Variants in ADD2 observed in about 807,000 individuals in gnomAD.
ADD2 encodes beta-adducin.
Under a neutral mutation model 83.0 loss-of-function variants are expected in ADD2, and 23 were observed. The ratio of observed to expected loss-of-function variants is 0.28; its 90% confidence interval spans 0.20 to 0.39. The LOEUF is 0.39. Among genes scored for constraint, ADD2 ranks in the 10% least tolerant of loss-of-function variants. The pLI is 1.00. For missense variants in ADD2, 758 were observed against 944.9 expected (o/e 0.80, Z 2.59); for synonymous variants, 375 against 375.4 (o/e 1.00, Z 0.01).
At chr2:70,693,533 G>A (rs1553372089) in intron 6 of ADD2, among the ~76,000 whole-genome samples, 1 of 152,168 alleles carries the variant, frequency 6.6e-6, no homozygotes. Context: ...AATGTGGGCG[G>A]AGGGATGTGC....
At chr2:70,701,021 G>A (rs1335351656) in intron 4 of ADD2, among the ~76,000 whole-genome samples, 1 of 151,516 alleles carries the variant, frequency 6.6e-6, no homozygotes, top group Non-Finnish European at 1.5e-5. Flanking sequence ...ACTATATCAG[G>A]GTAAAAAAGA....
chr2:70,703,173 A>G (rs950196662), intron 4 of ADD2, among the ~76,000 whole-genome samples: 3 of 151,986 alleles, frequency 2.0e-5, no homozygotes, highest in Non-Finnish European at 4.4e-5. Flanking sequence ...AAGAAAGAAA[A>G]GAAAAAGGAA....
At chr2:70,709,562 C>T (rs1251272925) in intron 2 of ADD2, among the ~76,000 whole-genome samples, 1 of 152,164 alleles carries the variant, frequency 6.6e-6, no homozygotes, top group Non-Finnish European at 1.5e-5. Context: ...CAAGTCATTG[C>T]CTCTCTCTGG....
intron 10 of ADD2, among the ~76,000 whole-genome samples, chr2:70,679,761 C>T (rs1270831722): frequency 2.0e-5 from 3 of 151,938 alleles, no homozygotes; most frequent in Non-Finnish European, 4.4e-5. Flanking sequence ...TCACTAAAAA[C>T]CTTTCCAGTC....
intron 1 of ADD2, among the ~76,000 whole-genome samples, chr2:70,716,024 T>G (rs922773709): frequency 2.0e-5 from 3 of 151,680 alleles, no homozygotes; most frequent in Non-Finnish European, 4.4e-5. Flanking sequence ...TTCCTTAACC[T>G]TTTTTTTTCT....
chr2:70,676,107 T>C lies in ADD2; in HGVS notation c.1593+689A>G. ...TGCAGAGAGGAACATTTCCTGTATT[T>C]CCCCAATTTTTACTGCTAAGGAAAA... On this transcript the variant is annotated intron_variant, in intron 13 of 15. Transcript: ENST00000264436. This position sits in a 1 kb window ranked among gnomAD's most constrained non-coding sequence, Gnocchi z 4.8. 1.0e-6 allele frequency: 1 copy of C among 985,372 alleles called. No individual in the cohort carries two copies. Among genetic ancestry groups the C allele is most frequent in the Non-Finnish European group, 1.2e-6 (1 of 829,936 alleles). The allele number at this position is 985,372 out of a possible 1,614,324, so 61.0% of individuals were successfully genotyped here. A position where few individuals can be genotyped will look rare whatever the true frequency, so the allele number is the denominator to read the frequency against.
At chr2:70,704,831 C>G (rs1046803163) in intron 3 of ADD2, among the ~76,000 whole-genome samples, 10 of 152,186 alleles carry the variant, frequency 6.6e-5, no homozygotes, top group Non-Finnish European at 1.3e-4. Context: ...CCATCCCTCT[C>G]CATTAGCGAT....
At position 70,676,486 on chromosome 2, in the gene ADD2, C is replaced by A; in HGVS notation, c.1593+310G>T. The A allele has an allele frequency of 7.6e-7, 1 of 1,319,932 alleles. No individual in the cohort carries two copies. Among genetic ancestry groups the A allele is most frequent in the Non-Finnish European group, 9.7e-7 (1 of 1,032,574 alleles). The allele number at this position is 1,319,932 out of a possible 1,614,324, so 81.8% of individuals were successfully genotyped here. A position where few individuals can be genotyped will look rare whatever the true frequency, so the allele number is the denominator to read the frequency against. Reference sequence around the variant, plus strand: ...CCCAAGCCTATGAGTCCCCACTTCACGGGGTAGTAAGGGAGGACAGAGTGG... The same window carrying A: ...CCCAAGCCTATGAGTCCCCACTTCAAGGGGTAGTAAGGGAGGACAGAGTGG... On this transcript the variant is annotated intron_variant, in intron 13 of 15. Transcript: ENST00000264436. This position sits in a 1 kb window ranked among gnomAD's most constrained non-coding sequence, Gnocchi z 4.8.
chr2:70,675,078 G>A, intron 13 of ADD2: 4 of 1,231,548 alleles, frequency 3.2e-6, no homozygotes, highest in Non-Finnish European at 4.1e-6. Context: ...TAAAATCAAA[G>A]GATGCTCCCG....
chr2:70,697,791 G>T lies in ADD2; in HGVS notation c.323-1395C>A, dbSNP rs1671385444. Among the ~76,000 whole-genome samples, 4 of 152,204 alleles carry T rather than the reference G, an allele frequency of 2.6e-5. No homozygotes were observed. The South Asian group carries it at 8.3e-4, about 31-fold the overall frequency. ...TGCCATTAGTGGAAGTGATGATGTG[G>T]TCTACAAAAAGCGAGGGCAGACTGG... On this transcript the variant is annotated intron_variant, in intron 4 of 15. Coordinates refer to ENST00000264436, the MANE Select transcript of ADD2 (RefSeq NM_001617.4).
chr2:70,702,427 A>G (rs1671638333), intron 4 of ADD2, among the ~76,000 whole-genome samples: 1 of 152,214 alleles, frequency 6.6e-6, no homozygotes, highest in East Asian at 1.9e-4. Flanking sequence ...TTGGCCTCCC[A>G]AAGTGCTGGG....
chr2:70,758,199 T>C (rs1674897074), intron 1 of ADD2, among the ~76,000 whole-genome samples: 1 of 152,236 alleles, frequency 6.6e-6, no homozygotes, highest in Non-Finnish European at 1.5e-5. Context: ...AAATAGTCCA[T>C]TTCATCAAGA....
chr2:70,674,868 C>G, intron 13 of ADD2, 43 bp from the exon 14 acceptor site: 1 of 1,591,208 alleles, frequency 6.3e-7, no homozygotes, highest in Non-Finnish European at 8.6e-7. Flanking sequence ...CTGAACGCCG[C>G]AGTTGGGGTG....
At chr2:70,718,800 C>T (rs1672597286) in intron 1 of ADD2, among the ~76,000 whole-genome samples, 1 of 152,164 alleles carries the variant, frequency 6.6e-6, no homozygotes, top group Non-Finnish European at 1.5e-5. Context: ...AGTTCCAGAG[C>T]CTGTTCTCCT....
intron 14 of ADD2, 46 bp from the exon 15 acceptor site, chr2:70,673,052 G>A: frequency 6.3e-7 from 1 of 1,590,780 alleles, no homozygotes; most frequent in Non-Finnish European, 8.5e-7. Flanking sequence ...AAATAGAGAA[G>A]AGATGGGCAG....
rs113348669 is a variant in ADD2, at chr2:70,749,560, G to A, written c.-154+18326C>T. On this transcript the variant is annotated intron_variant, in intron 1 of 15. Transcript: ENST00000264436. ...AATATGGCCAGCTAAAAAAAAAACC[G>A]CATTTCCCAGCCTTCCCCAAAGCTA... 6.6e-3 allele frequency among the ~76,000 whole-genome samples: 1,003 copies of A among 151,388 alleles called. 6 individuals carry two copies. Among genetic ancestry groups the A allele is most frequent in the African/African-American group, 0.023 (947 of 41,082 alleles).
chr2:70,764,418 A>C (rs1376856077), intron 1 of ADD2, among the ~76,000 whole-genome samples: 1 of 151,770 alleles, frequency 6.6e-6, no homozygotes, highest in Non-Finnish European at 1.5e-5. Context: ...GTTCTTTTGG[A>C]GTTGGCAAGT....
At chr2:70,672,370 C>T (rs1221917280) in intron 15 of ADD2, among the ~76,000 whole-genome samples, 1 of 152,194 alleles carries the variant, frequency 6.6e-6, no homozygotes, top group Non-Finnish European at 1.5e-5. Flanking sequence ...CTGAGTTTTC[C>T]TTAACTCAGA....
intron 1 of ADD2, among the ~76,000 whole-genome samples, chr2:70,722,978 A>G (rs112787069): frequency 0.026 from 3,946 of 152,226 alleles, 91 homozygotes; most frequent in Admixed American, 0.063. Flanking sequence ...ATTCTGCCCT[A>G]TGTTTTCCCA....
Sources: gnomAD v4.1 joint callset for allele counts (sites outside exome capture counted in the v4.1 genomes callset) on GRCh38, gnomAD v4.1.1 for gene constraint, Gnocchi (gnomAD v3.1) non-coding constraint, MANE v1.5 for transcripts, NCBI Gene and HGNC (gene_info 2026-07-23, HGNC 2026-07-21) for gene names.